Variants in TXNDC8 observed in about 807,000 individuals in gnomAD.
The protein encoded by TXNDC8 is thioredoxin domain containing 8.
A neutral mutation model predicts 12.9 loss-of-function variants in TXNDC8; 15 were observed. That is an observed-to-expected ratio of 1.16 (90% confidence interval 0.78 to 1.79). The LOEUF is 1.79. TXNDC8 is among the 40% of genes most tolerant of loss of function. The pLI, the probability that TXNDC8 is intolerant of heterozygous loss-of-function variation, is 0.00. For missense variants in TXNDC8, 128 were observed against 113.2 expected, an observed-to-expected ratio of 1.13 and a Z score of -0.59; for synonymous variants, 40 against 35.4, an observed-to-expected ratio of 1.13 and a Z score of -0.46.
intron 3 of TXNDC8, chr9:110,322,419 G>C (rs532011833): frequency 4.1e-6 from 4 of 985,360 alleles, no homozygotes; most frequent in Non-Finnish European, 4.8e-6. Context: ...TGGAATGCAG[G>C]ATCTATCAAT....
At chr9:110,318,736 TAA>T (rs74834217) in intron 3 of TXNDC8, among the ~76,000 whole-genome samples, 1 of 141,608 alleles carries the variant, frequency 7.1e-6, no homozygotes. Context: ...AGACTCCGTC[TAA>T]AAAAAAAAAA....
chr9:110,301,553 T>C (rs1838270816), downstream of TXNDC8, among the ~76,000 whole-genome samples: 1 of 151,924 alleles, frequency 6.6e-6, no homozygotes, highest in South Asian at 2.1e-4. Flanking sequence ...AAAATTGCCT[T>C]TATTGTTGTG....
chr9:110,322,170 A>G (rs1045834508), intron 3 of TXNDC8, among the ~76,000 whole-genome samples: 1 of 134,644 alleles, frequency 7.4e-6, no homozygotes, highest in Non-Finnish European at 1.6e-5. Flanking sequence ...ATAATGTGAC[A>G]TAAATGGTCT....
intron 2 of TXNDC8, among the ~76,000 whole-genome samples, chr9:110,330,246 G>A (rs1419393652): frequency 6.6e-6 from 1 of 152,140 alleles, no homozygotes; most frequent in African/African-American, 2.4e-5. Context: ...TTCTCTGAAA[G>A]TCACTGCTCT....
At chr9:110,335,150 C>T (rs527893570) in intron 1 of TXNDC8, among the ~76,000 whole-genome samples, 1 of 152,284 alleles carries the variant, frequency 6.6e-6, no homozygotes, top group African/African-American at 2.4e-5. Context: ...CATTCCTGTA[C>T]CTCCCATGAT....
At chr9:110,325,513 CTTTTT>C (rs201113003) in intron 3 of TXNDC8, among the ~76,000 whole-genome samples, 1 of 117,564 alleles carries the variant, frequency 8.5e-6, no homozygotes, top group Admixed American at 9.2e-5. Context: ...CTTGTATACA[CTTTTT>C]TTTTTTTTTT....
chr9:110,323,288 G>C (rs759018011), intron 3 of TXNDC8: 7 of 985,368 alleles, frequency 7.1e-6, no homozygotes, highest in Non-Finnish European at 8.4e-6. Context: ...TATCCAAAAC[G>C]GATATATTTG....
At chr9:110,337,717 T>A in intron 1 of TXNDC8, 56 bp downstream of exon 1, 1 of 1,562,658 alleles carries the variant, frequency 6.4e-7, no homozygotes, top group Non-Finnish European at 8.8e-7. Context: ...GTTTTTCAAA[T>A]CTGTTCCCAA....
In TXNDC8 at chr9:110,337,660, C is replaced by A. The variant is rs1839810152; in HGVS notation, c.24+113G>T. ...ACAAGAATTTAGAACTCTCCCCTTG[C>A]TACAATGCAATGATAGAATACTGGA... is the stretch of plus-strand genomic sequence containing the variant. On this transcript the variant is annotated intron_variant, in intron 1 of 4. Transcript: ENST00000423740. 3.0e-6 allele frequency: 3 copies of A among 994,714 alleles called. No homozygotes were observed. In the South Asian group the frequency reaches 4.6e-5, roughly 15 times the overall value. 61.6% of individuals were successfully genotyped at this position (994,714 alleles called of 1,614,324 possible). A position where few individuals can be genotyped will look rare whatever the true frequency, so the allele number is the denominator to read the frequency against.
At chr9:110,313,512 C>T (rs1838766587) in intron 3 of TXNDC8, among the ~76,000 whole-genome samples, 1 of 152,014 alleles carries the variant, frequency 6.6e-6, no homozygotes, top group Admixed American at 6.6e-5. Context: ...ACCAGCCTGG[C>T]CAACGTGGCA....
chr9:110,337,017 T>A (rs182823999), intron 1 of TXNDC8, among the ~76,000 whole-genome samples: 1 of 152,358 alleles, frequency 6.6e-6, no homozygotes, highest in African/African-American at 2.4e-5. Context: ...TTTCAAAACA[T>A]GTTCTTATGT....
Position 110,337,775 on chromosome 9 carries a change from T to C in TXNDC8, c.22A>G (p.Thr8Ala), listed in dbSNP as rs1353129796. The C allele has an allele frequency of 6.2e-7, 1 of 1,613,924 alleles. No homozygotes were observed. Among genetic ancestry groups the C allele is most frequent in the Non-Finnish European group, 8.5e-7 (1 of 1,179,870 alleles). ...AGTGAAGCCAAATAAATACTTGCCG[T>C]GTCTTTAATAATCTGTACCATGATT... Residue 8 changes from threonine to alanine, a missense_variant and splice_region_variant, in exon 1 of 5, where the codon ACG (threonine) becomes GCG (alanine). Transcript: ENST00000423740.
downstream of TXNDC8, among the ~76,000 whole-genome samples, chr9:110,301,725 G>A (rs753378469): frequency 1.3e-5 from 2 of 152,198 alleles, no homozygotes; most frequent in Admixed American, 6.5e-5. Flanking sequence ...GGATGATTCA[G>A]ATGAAAAGCA....
At chr9:110,314,563 G>C (rs1392971823) in intron 3 of TXNDC8, among the ~76,000 whole-genome samples, 1 of 151,592 alleles carries the variant, frequency 6.6e-6, no homozygotes, top group African/African-American at 2.4e-5. Context: ...CTCCGGAGTA[G>C]CTGGGACTAC....
intron 3 of TXNDC8, chr9:110,323,073 G>A (rs914691884): frequency 2.0e-6 from 2 of 985,234 alleles, no homozygotes; most frequent in Non-Finnish European, 2.4e-6. Flanking sequence ...CAATGGAGGG[G>A]GAGGACATCA....
At chr9:110,325,842 A>G (rs1839294734) in intron 3 of TXNDC8, among the ~76,000 whole-genome samples, 3 of 152,138 alleles carry the variant, frequency 2.0e-5, no homozygotes, top group Admixed American at 6.6e-5. Context: ...CATTTTTGTA[A>G]GAATTTCAGA....
chr9:110,302,492 T>G (rs932355923), downstream of TXNDC8, among the ~76,000 whole-genome samples: 4 of 152,192 alleles, frequency 2.6e-5, no homozygotes, highest in Non-Finnish European at 5.9e-5. Context: ...AAATCTCAGT[T>G]ATTAATGCCT....
At chr9:110,334,081 GT>G in intron 2 of TXNDC8, 134 bp downstream of exon 2, 1 of 612,864 alleles carries the variant, frequency 1.6e-6, no homozygotes. Flanking sequence ...ATTATCTTCA[GT>G]TAATCAGGGT....
intron 3 of TXNDC8, among the ~76,000 whole-genome samples, chr9:110,305,546 T>TTTC (rs1554700781): frequency 2.6e-5 from 3 of 115,416 alleles, no homozygotes; most frequent in Non-Finnish European, 5.4e-5. Flanking sequence ...TGTATTTTCT[T>TTTC]TTTCTTTCTT....
Sources: allele counts gnomAD v4.1 joint callset (sites outside exome capture counted in the v4.1 genomes callset), GRCh38; gene constraint gnomAD v4.1.1; transcripts MANE v1.5; gene names NCBI Gene and HGNC (gene_info 2026-07-23, HGNC 2026-07-21).